SAMD8: variants seen among roughly 807,000 people sequenced by gnomAD.
The protein encoded by SAMD8 is sterile alpha motif domain containing 8, also known as sphingomyelin synthase-related protein 1.
A neutral mutation model predicts 42.0 loss-of-function variants in SAMD8; 20 were observed. That is an observed-to-expected ratio of 0.48 (90% CI 0.34 to 0.69). The LOEUF is 0.69. Ranked by LOEUF, SAMD8 falls within the 30% of genes least tolerant of loss-of-function variation. The pLI is 0.01. For synonymous variants in SAMD8, 162 were observed against 173.0 expected (o/e 0.94, Z 0.50); for missense variants, 328 against 511.6 (o/e 0.64, Z 3.46).
intron 1 of SAMD8, among the ~76,000 whole-genome samples, chr10:75,132,652 C>A (rs1354951421): frequency 1.3e-5 from 2 of 151,810 alleles, no homozygotes; most frequent in Non-Finnish European, 2.9e-5. Context: ...GTAATAAAAT[C>A]TTTCCTGTAT....
chr10:75,146,128 CAG>C (rs1224537918), intron 1 of SAMD8, among the ~76,000 whole-genome samples: 1 of 152,112 alleles, frequency 6.6e-6, no homozygotes, highest in African/African-American at 2.4e-5. Context: ...CTCTTCAACT[CAG>C]TGAGCCTGCC....
intron 1 of SAMD8, among the ~76,000 whole-genome samples, chr10:75,141,027 ATTGT>A (rs1237391441): frequency 2.0e-5 from 3 of 151,810 alleles, no homozygotes; most frequent in Non-Finnish European, 2.9e-5. Context: ...TTAATTTTTG[ATTGT>A]TTGTTGCTAG....
intron 1 of SAMD8, chr10:75,103,922 G>A (rs1173571462): frequency 7.6e-7 from 1 of 1,315,204 alleles, no homozygotes; most frequent in Admixed American, 2.2e-5. Flanking sequence ...GTGGCTGAGA[G>A]GGGGTGTAGG....
intron 4 of SAMD8, among the ~76,000 whole-genome samples, chr10:75,170,438 C>T (rs533066215): frequency 4.6e-5 from 7 of 152,174 alleles, no homozygotes; most frequent in Non-Finnish European, 7.3e-5. Flanking sequence ...AAAACTTTCT[C>T]CTGGTATTAG....
chr10:75,127,288 C>A (rs1849167939), intron 1 of SAMD8, among the ~76,000 whole-genome samples: 1 of 151,194 alleles, frequency 6.6e-6, no homozygotes, highest in Non-Finnish European at 1.5e-5. Context: ...AGATTTAGTT[C>A]TTGCAGAAGT....
intron 1 of SAMD8, among the ~76,000 whole-genome samples, chr10:75,114,556 CA>C (rs1291378425): frequency 5.3e-5 from 8 of 152,182 alleles, no homozygotes; most frequent in Admixed American, 5.2e-4. Context: ...CTGATTAAGA[CA>C]TTTTCATGGC....
chr10:75,115,692 G>A (rs565051468), intron 1 of SAMD8, among the ~76,000 whole-genome samples: 99 of 152,256 alleles, frequency 6.5e-4, no homozygotes, highest in African/African-American at 2.3e-3. Context: ...TGTAATCTCA[G>A]CACTTTGGGA....
intron 1 of SAMD8, among the ~76,000 whole-genome samples, chr10:75,105,093 A>T (rs1848414884): frequency 6.6e-6 from 1 of 152,168 alleles, no homozygotes; most frequent in South Asian, 2.1e-4. Context: ...AGGTGGAGGC[A>T]GGCCCTGCTG....
exon 1 of SAMD8, chr10:75,099,673 G>T: frequency 1.1e-5 from 7 of 621,358 alleles, no homozygotes; most frequent in Non-Finnish European, 1.4e-5. Context: ...ATCTGTTTGG[G>T]ATTGAAGACC....
In SAMD8 at chr10:75,177,542, G is replaced by A. The variant is rs1251886454; in HGVS notation, c.*850G>A. 3 of 152,192 alleles carry A rather than the reference G, an allele frequency of 2.0e-5. No individual in the cohort carries two copies. The highest frequency in any genetic ancestry group is 1.5e-5 in the Non-Finnish European group (1 of 68,038). 9.4% of individuals were successfully genotyped at this position (152,192 alleles called of 1,614,324 possible). Reference sequence around the variant, plus strand: ...CTTTTTTAATGGTGTTATTAAATGAGCCAAATAGGAGTGTTTTACCAGATG... The same window carrying A: ...CTTTTTTAATGGTGTTATTAAATGAACCAAATAGGAGTGTTTTACCAGATG... On this transcript the variant is annotated 3_prime_UTR_variant, in exon 6 of 6. Coordinates refer to ENST00000542569, the MANE Select transcript of SAMD8 (RefSeq NM_001174156.2).
rs771162331 is a variant in SAMD8 at position 75,150,646 on chromosome 10, G to C, written c.118G>C (p.Asp40His). 1 of 1,614,186 alleles carries C rather than the reference G, an allele frequency of 6.2e-7. No individual in the cohort carries two copies. Among genetic ancestry groups the C allele is most frequent in the Non-Finnish European group, 8.5e-7 (1 of 1,180,034 alleles). ...VDILCNKHRL[D>H]GITLLTLTEY... is the part of the protein sequence containing the mutation. ...CATTTTATGCAATAAGCACCGACTTGATGGAATCACATTGCTAACATTGAC... is the reference window on the plus strand; with the variant it reads ...CATTTTATGCAATAAGCACCGACTTCATGGAATCACATTGCTAACATTGAC... The change falls in exon 2 of 6, where the codon GAT becomes CAT. Residue 40 changes from aspartate to histidine, a missense_variant. Asp to His is a moderately conservative substitution (Grantham distance 81). Coordinates refer to ENST00000542569, the MANE Select transcript of SAMD8 (RefSeq NM_001174156.2).
intron 2 of SAMD8, among the ~76,000 whole-genome samples, chr10:75,157,815 A>G (rs1840448043): frequency 6.6e-6 from 1 of 152,156 alleles, no homozygotes; most frequent in African/African-American, 2.4e-5. Context: ...AATGAAGGGA[A>G]AAGTGGCAAG....
At chr10:75,101,786 G>C in intron 1 of SAMD8, 15 of 652,688 alleles carry the variant, frequency 2.3e-5, no homozygotes, top group Non-Finnish European at 3.6e-5. Flanking sequence ...TCCCCACACA[G>C]GCACAAGTGT....
chr10:75,113,458 C>T (rs1009375821), intron 1 of SAMD8, among the ~76,000 whole-genome samples: 2 of 151,944 alleles, frequency 1.3e-5, no homozygotes, highest in African/African-American at 2.4e-5. Flanking sequence ...CCTCAGCCTC[C>T]CAAGTAGCTG....
chr10:75,177,071 T>G lies in SAMD8; in HGVS notation c.*379T>G, dbSNP rs114996657. Reference sequence around the variant, plus strand: ...GTAGGGCTCTAGTCAAGAAATAATATGTTTTGAAGCTCCTTATTACCTTTA... The same window carrying G: ...GTAGGGCTCTAGTCAAGAAATAATAGGTTTTGAAGCTCCTTATTACCTTTA... On this transcript the variant is annotated 3_prime_UTR_variant, in exon 6 of 6. Coordinates refer to ENST00000542569, the MANE Select transcript of SAMD8 (RefSeq NM_001174156.2). 6.0e-6 allele frequency: 1 copy of G among 167,064 alleles called. No individual in the cohort carries two copies. Among genetic ancestry groups the G allele is most frequent in the Admixed American group, 5.9e-5 (1 of 16,920 alleles). The allele number at this position is 167,064 out of a possible 1,614,324, so 10.3% of individuals were successfully genotyped here.
At chr10:75,154,621 G>A (rs1840369026) in intron 2 of SAMD8, among the ~76,000 whole-genome samples, 1 of 152,166 alleles carries the variant, frequency 6.6e-6, no homozygotes, top group East Asian at 1.9e-4. Flanking sequence ...GACAAGAGTT[G>A]AGGGATCTAA....
intron 3 of SAMD8, among the ~76,000 whole-genome samples, chr10:75,164,982 G>A (rs1243011842): frequency 1.3e-5 from 2 of 152,146 alleles, no homozygotes; most frequent in Non-Finnish European, 2.9e-5. Flanking sequence ...ATGGCTGATC[G>A]TGCTCATCTC....
intron 1 of SAMD8, among the ~76,000 whole-genome samples, chr10:75,118,762 G>A (rs1848939376): frequency 6.6e-6 from 1 of 152,110 alleles, no homozygotes; most frequent in Non-Finnish European, 1.5e-5. Flanking sequence ...GAAAAAAGTT[G>A]GATAATCCCA....
intron 4 of SAMD8, among the ~76,000 whole-genome samples, chr10:75,175,323 T>G (rs943088035): frequency 2.0e-5 from 3 of 152,112 alleles, no homozygotes; most frequent in African/African-American, 7.2e-5. Context: ...GTGTTACCAG[T>G]GAAGAAGGGG....
Sources: allele counts gnomAD v4.1 joint callset (sites outside exome capture counted in the v4.1 genomes callset), GRCh38; gene constraint gnomAD v4.1.1; transcripts MANE v1.5; gene names NCBI Gene and HGNC (gene_info 2026-07-23, HGNC 2026-07-21).